The following DOCK2 variants were observed in gnomAD, a reference collection of about 807,000 sequenced individuals.
DOCK2 encodes dedicator of cytokinesis protein 2.
In DOCK2, 87 loss-of-function variants were observed where a neutral mutation model predicts 248.9. The ratio of observed to expected loss-of-function variants is 0.35; its 90% CI spans 0.29 to 0.42. DOCK2 has a LOEUF of 0.42. Among genes scored for constraint, DOCK2 ranks in the 10% least tolerant of loss-of-function variants. The probability of loss-of-function intolerance (pLI) is 1.00; values close to 1 mark genes in which losing one functional copy is unlikely to be tolerated. For missense variants in DOCK2, 1,747 were observed against 2,300.2 expected (o/e 0.76, Z 4.92); for synonymous variants, 805 against 821.6 (o/e 0.98, Z 0.35).
At chr5:169,715,680 G>A (rs773736110) in intron 19 of DOCK2, among the ~76,000 whole-genome samples, 1 of 151,058 alleles carries the variant, frequency 6.6e-6, no homozygotes, top group Non-Finnish European at 1.5e-5. Flanking sequence ...TAAGAGTATA[G>A]CATAATGGAT....
At chr5:169,979,214 G>A (rs1379055188) in intron 27 of DOCK2, among the ~76,000 whole-genome samples, 3 of 152,138 alleles carry the variant, frequency 2.0e-5, no homozygotes, top group Non-Finnish European at 4.4e-5. Flanking sequence ...CTGGGAGTTC[G>A]AGCTCCTACA....
In DOCK2 at chr5:169,648,584, G is replaced by C. The variant is rs185532007; in HGVS notation, c.44-5819G>C. ...GTGAGTGTGGTGCATGGCTGAGAGAGTGTGCTCCGGAGCCAGCCTGTCTGG... is the reference window on the plus strand; with the variant it reads ...GTGAGTGTGGTGCATGGCTGAGAGACTGTGCTCCGGAGCCAGCCTGTCTGG... On this transcript the variant is annotated intron_variant, in intron 1 of 51. Coordinates refer to ENST00000520908, the MANE Select transcript of DOCK2 (RefSeq NM_004946.3). Among the ~76,000 whole-genome samples the C allele has an allele frequency of 9.7e-4, 147 of 152,304 alleles. 2 individuals are homozygous for C. The highest frequency in any genetic ancestry group is 3.4e-3 in the African/African-American group (141 of 41,554).
intron 29 of DOCK2, among the ~76,000 whole-genome samples, chr5:169,994,838 TGATGGAGCTGTCCTTTAGGG>T (rs1754543110): frequency 6.6e-6 from 1 of 152,040 alleles, no homozygotes. Flanking sequence ...ATGATTGATA[TGATGGAGCTGTCCTTTAGGG>T]GAAGGAGCTT....
chr5:169,791,955 C>G (rs1011424547), intron 25 of DOCK2, among the ~76,000 whole-genome samples: 9 of 152,126 alleles, frequency 5.9e-5, no homozygotes, highest in African/African-American at 1.7e-4. Flanking sequence ...GCTGAGAAGA[C>G]TCTATTTGAG....
chr5:169,908,713 CTTTTTT>C (rs34261104), intron 27 of DOCK2, among the ~76,000 whole-genome samples: 6 of 105,072 alleles, frequency 5.7e-5, no homozygotes, highest in South Asian at 3.2e-4. Flanking sequence ...TTTCTTTTTT[CTTTTTT>C]TTTTTTTTTT....
chr5:169,934,201 C>G (rs1775883744), intron 27 of DOCK2, among the ~76,000 whole-genome samples: 1 of 152,172 alleles, frequency 6.6e-6, no homozygotes, highest in African/African-American at 2.4e-5. Context: ...ATGCCACTTG[C>G]TTTATTGTTC....
chr5:169,953,231 G>T (rs180740210), intron 27 of DOCK2, among the ~76,000 whole-genome samples: 3 of 151,890 alleles, frequency 2.0e-5, no homozygotes, highest in Non-Finnish European at 4.4e-5. Context: ...TACTCAGGAG[G>T]CTGAGGCAGG....
At chr5:169,746,534 A>C (rs757499505) in intron 22 of DOCK2, among the ~76,000 whole-genome samples, 5 of 151,900 alleles carry the variant, frequency 3.3e-5, no homozygotes, top group Non-Finnish European at 5.9e-5. Context: ...AGACAGGAGC[A>C]CTCTTCTGTG....
chr5:169,691,200 C>T (rs1760277720), intron 9 of DOCK2, among the ~76,000 whole-genome samples: 1 of 152,172 alleles, frequency 6.6e-6, no homozygotes, highest in Non-Finnish European at 1.5e-5. Flanking sequence ...ACAACCAGGT[C>T]TTAGGAGAAC....
chr5:169,864,739 T>A (rs1771431531), intron 27 of DOCK2, among the ~76,000 whole-genome samples: 1 of 152,290 alleles, frequency 6.6e-6, no homozygotes, highest in East Asian at 1.9e-4. Context: ...TTGGCTCCAG[T>A]CTCTCTCTTA....
chr5:170,072,839 T>C (rs1365033237), intron 46 of DOCK2, among the ~76,000 whole-genome samples: 3 of 152,234 alleles, frequency 2.0e-5, no homozygotes, highest in Admixed American at 2.0e-4. Flanking sequence ...CTTTTTCAAA[T>C]CTTTTACTTA....
intron 26 of DOCK2, among the ~76,000 whole-genome samples, chr5:169,838,228 G>C (rs949234199): frequency 6.6e-6 from 1 of 152,172 alleles, no homozygotes; most frequent in Non-Finnish European, 1.5e-5. Context: ...AGAAATCTCT[G>C]ATCGTGTTCC....
At chr5:169,690,586 C>T (rs1429056600) in intron 9 of DOCK2, among the ~76,000 whole-genome samples, 1 of 152,180 alleles carries the variant, frequency 6.6e-6, no homozygotes, top group African/African-American at 2.4e-5. Context: ...ATAGATGTGC[C>T]TCCATCCTGT....
At chr5:169,803,007 G>C (rs747020951) in intron 25 of DOCK2, 51 bp from the exon 26 acceptor site, 1 of 1,589,796 alleles carries the variant, frequency 6.3e-7, no homozygotes, top group East Asian at 2.3e-5. Context: ...TGAAAGAAAA[G>C]AAACTAAAAA....
At chr5:169,914,397 G>T (rs984480389) in intron 27 of DOCK2, among the ~76,000 whole-genome samples, 2 of 152,152 alleles carry the variant, frequency 1.3e-5, no homozygotes, top group South Asian at 2.1e-4. Context: ...CCTACTCTGA[G>T]CCAGGAACTG....
At chr5:169,776,411 C>T (rs1765386724) in intron 25 of DOCK2, among the ~76,000 whole-genome samples, 1 of 151,986 alleles carries the variant, frequency 6.6e-6, no homozygotes, top group African/African-American at 2.4e-5. Context: ...GTGATTCTTC[C>T]ACTTCAGCCT....
Position 169,830,197 on chromosome 5 carries a change from A to G in DOCK2, c.2704-10560A>G, listed in dbSNP as rs576511790. Among the ~76,000 whole-genome samples, 5 of 152,330 alleles carry G rather than the reference A, an allele frequency of 3.3e-5. No individual in the cohort carries two copies. In the East Asian group the frequency reaches 9.6e-4, roughly 29 times the overall value. ...GTTGCATAAAGCTTTAGATTTCCTC[A>G]TTTGTAACATGGGAAGAACCAGCGT... On this transcript the variant is annotated intron_variant, in intron 26 of 51. Coordinates refer to ENST00000520908, the MANE Select transcript of DOCK2 (RefSeq NM_004946.3).
chr5:169,794,120 C>G (rs930140590), intron 25 of DOCK2, among the ~76,000 whole-genome samples: 2 of 152,134 alleles, frequency 1.3e-5, no homozygotes, highest in Non-Finnish European at 2.9e-5. Flanking sequence ...CAGGACCCTA[C>G]TTTTCCCGGG....
intron 27 of DOCK2, among the ~76,000 whole-genome samples, chr5:169,874,474 C>T (rs888168181): frequency 4.1e-5 from 6 of 146,938 alleles, no homozygotes; most frequent in Non-Finnish European, 8.9e-5. Context: ...GGAAAATGAG[C>T]GGGTGGTGGT....
Sources: allele counts gnomAD v4.1 joint callset (sites outside exome capture counted in the v4.1 genomes callset), GRCh38; gene constraint gnomAD v4.1.1; transcripts MANE v1.5; gene names NCBI Gene and HGNC (gene_info 2026-07-23, HGNC 2026-07-21).